The following TCF20 variants were observed in gnomAD, a reference collection of about 807,000 sequenced individuals.
TCF20 encodes the protein transcription factor 20, also known as SPRE-binding protein.
A neutral mutation model predicts 148.6 loss-of-function variants in TCF20; 3 were observed. The observed-to-expected ratio is 0.02, with a 90% CI of 0.01 to 0.05. The LOEUF (loss-of-function observed/expected upper bound fraction) is 0.05, where lower values mean the gene tolerates loss of function less well. Ranked by LOEUF, TCF20 falls within the 10% of genes least tolerant of loss-of-function variation. The pLI is 1.00. For synonymous variants in TCF20, 1,049 were observed against 909.5 expected (o/e 1.15, Z -2.76); for missense variants, 2,350 against 2,429.3 (o/e 0.97, Z 0.69).
At chr22:42,179,497 A>G in intron 3 of TCF20, 112 bp downstream of exon 3, 1 of 670,740 alleles carries the variant, frequency 1.5e-6, no homozygotes. Context: ...TGACAAAAAA[A>G]AAAAAAAAAA....
chr22:42,273,900 G>A (rs1328752692), upstream of TCF20: 1 of 152,812 alleles, frequency 6.5e-6, no homozygotes, highest in Non-Finnish European at 1.5e-5. Flanking sequence ...CTAGGTCACT[G>A]ATTCTACTAC....
At position 42,299,735 on chromosome 22, in the gene TCF20, G is replaced by A. The variant is rs1927299843; in HGVS notation, c.-37+43744C>T. 6.6e-6 allele frequency among the ~76,000 whole-genome samples: 1 copy of A among 152,104 alleles called. No homozygotes were observed. Among genetic ancestry groups the A allele is most frequent in the Non-Finnish European group, 1.5e-5 (1 of 68,010 alleles). ...CTCTAGGTCAGGTAATTAATAGCAG[G>A]AGGGAAGTGCAATTAGCAGGTACCT... On this transcript the variant is annotated intron_variant, in intron 1 of 1. Transcript: ENST00000515426. This position sits in a 1 kb window ranked among gnomAD's most constrained non-coding sequence, Gnocchi z 4.1.
chr22:42,217,977 G>A (rs2147235652), intron 1 of TCF20, among the ~76,000 whole-genome samples: 1 of 152,308 alleles, frequency 6.6e-6, no homozygotes, highest in South Asian at 2.1e-4. Context: ...AAACATTCAT[G>A]TGCAAATAAT....
At chr22:42,307,868 A>G (rs1002237089) in intron 1 of TCF20, among the ~76,000 whole-genome samples, 3 of 152,180 alleles carry the variant, frequency 2.0e-5, no homozygotes, top group African/African-American at 7.2e-5. Context: ...TTGGACGGCC[A>G]GCTGGACACC....
At chr22:42,192,688 C>A (rs1937395700) in intron 2 of TCF20, among the ~76,000 whole-genome samples, 1 of 152,182 alleles carries the variant, frequency 6.6e-6, no homozygotes. Flanking sequence ...TGCCACCTCT[C>A]AGCCAAGCTT....
At chr22:42,309,283 G>A (rs879214890) in intron 1 of TCF20, among the ~76,000 whole-genome samples, 1 of 152,090 alleles carries the variant, frequency 6.6e-6, no homozygotes, top group African/African-American at 2.4e-5. Flanking sequence ...AGGAGCCCCC[G>A]CCTGCCCTGT....
chr22:42,184,986 G>T (rs903385131), intron 2 of TCF20, among the ~76,000 whole-genome samples: 1 of 152,230 alleles, frequency 6.6e-6, no homozygotes, highest in African/African-American at 2.4e-5. Flanking sequence ...TGCAAGGACT[G>T]AGTCAACTAG....
intron 1 of TCF20, among the ~76,000 whole-genome samples, chr22:42,255,912 C>A (rs953272412): frequency 2.0e-5 from 3 of 152,182 alleles, no homozygotes; most frequent in Non-Finnish European, 2.9e-5. Flanking sequence ...ATTAGGCCCA[C>A]GCTCCCTTCT....
At chr22:42,287,089 G>C (rs1164398195), upstream of TCF20, among the ~76,000 whole-genome samples, 1 of 152,092 alleles carries the variant, frequency 6.6e-6, no homozygotes, top group African/African-American at 2.4e-5. Context: ...GCAAATGCAT[G>C]GATAGGAGGG....
chr22:42,167,140 A>C (rs1257532333), intron 5 of TCF20, among the ~76,000 whole-genome samples: 2 of 152,142 alleles, frequency 1.3e-5, no homozygotes, highest in Non-Finnish European at 2.9e-5. Context: ...AACACATGGA[A>C]TGGCTTCCAC....
At chr22:42,333,743 C>T (rs1046833893) in intron 1 of TCF20, among the ~76,000 whole-genome samples, 3 of 152,254 alleles carry the variant, frequency 2.0e-5, no homozygotes, top group African/African-American at 7.2e-5. Flanking sequence ...CCCACAGCCA[C>T]ACACAGAGGA....
rs763864152 is a variant in TCF20, at chr22:42,212,077, C to T, written c.3229G>A (p.Ala1077Thr). 3.7e-6 allele frequency: 6 copies of T among 1,613,958 alleles called. No homozygotes were observed. Among genetic ancestry groups the T allele is most frequent in the Non-Finnish European group, 4.2e-6 (5 of 1,180,030 alleles). Residue 1077 changes from alanine (A) to threonine (T), a missense_variant, in exon 2 of 6, where the codon GCA becomes ACA. By Grantham distance (58) the Ala-to-Thr change is moderately conservative. This residue lies in a region of TCF20 where 1,641 missense variants were observed against 1,662.6 expected (regional missense o/e 0.99). Transcript: ENST00000677622. Reference sequence around the variant, plus strand: ...TAATGCAGCTGAGAATTCAAACCTGCGTTAGGGTCCCCATAAGCATGAGCC... The same window carrying T: ...TAATGCAGCTGAGAATTCAAACCTGTGTTAGGGTCCCCATAAGCATGAGCC... Reference protein sequence around the residue: ...TRAHAYGDPNAGLNSQLHYKR... With the variant: ...TRAHAYGDPNTGLNSQLHYKR...
intron 2 of TCF20, among the ~76,000 whole-genome samples, chr22:42,199,088 AAG>A (rs1292090353): frequency 6.6e-6 from 1 of 152,198 alleles, no homozygotes; most frequent in Non-Finnish European, 1.5e-5. Context: ...CAAAATCTAG[AAG>A]AGTCAGATAT....
upstream of TCF20, among the ~76,000 whole-genome samples, chr22:42,287,959 A>G (rs1413960191): frequency 6.6e-6 from 1 of 152,244 alleles, no homozygotes; most frequent in Non-Finnish European, 1.5e-5. Flanking sequence ...GAAAAAGTGC[A>G]ATGGTTGAAT....
intron 1 of TCF20, among the ~76,000 whole-genome samples, chr22:42,266,717 T>C (rs1294824463): frequency 3.3e-5 from 5 of 151,794 alleles, no homozygotes; most frequent in African/African-American, 1.2e-4. Context: ...AAGAGAAGGT[T>C]GCAGTGAGCA....
intron 1 of TCF20, among the ~76,000 whole-genome samples, chr22:42,307,985 A>G (rs77067768): frequency 0.024 from 3,589 of 152,358 alleles, 148 homozygotes; most frequent in African/African-American, 0.083. Context: ...ATAGGGGCGC[A>G]GGCTATTAGA....
At chr22:42,300,088 G>T (rs1473908690) in intron 1 of TCF20, among the ~76,000 whole-genome samples, 1 of 152,164 alleles carries the variant, frequency 6.6e-6, no homozygotes, top group Non-Finnish European at 1.5e-5. Context: ...GAAGCCGCTG[G>T]GCCTGGGGCT....
Position 42,215,533 on chromosome 22 carries a change from C to T in TCF20, c.-36-192G>A, listed in dbSNP as rs191617115. 4.1e-4 allele frequency: 277 copies of T among 669,766 alleles called. 1 individual carries two copies. In the African/African-American group the frequency reaches 4.7e-3, roughly 11 times the overall value. The allele number at this position is 669,766 out of a possible 1,614,324, so 41.5% of individuals were successfully genotyped here. On this transcript the variant is annotated intron_variant, in intron 1 of 5. Transcript: ENST00000677622. ...TCACCCAGGCTGGAGTGCAATTGCA[C>T]GATCTCAGCTCAATGCAACTTCTGC...
chr22:42,164,375 C>T (rs1935654846), intron 5 of TCF20, among the ~76,000 whole-genome samples: 2 of 152,032 alleles, frequency 1.3e-5, no homozygotes, highest in Admixed American at 6.5e-5. Context: ...CCACCACGCC[C>T]GGCTAATTTT....
Sources: allele counts gnomAD v4.1 joint callset (sites outside exome capture counted in the v4.1 genomes callset), GRCh38; gene constraint gnomAD v4.1.1; regional missense constraint gnomAD v4.1.1; non-coding constraint Gnocchi (gnomAD v3.1); transcripts MANE v1.5; gene names NCBI Gene and HGNC (gene_info 2026-07-23, HGNC 2026-07-21).